DMD: variants seen among roughly 807,000 people sequenced by gnomAD.
DMD encodes mutant dystrophin.
DMD carries 63 observed loss-of-function variants against 330.1 expected under a neutral mutation model. The ratio of observed to expected loss-of-function variants is 0.19; its 90% CI spans 0.16 to 0.24. The LOEUF (loss-of-function observed/expected upper bound fraction) is 0.24. Ranked by LOEUF, DMD falls within the 10% of genes least tolerant of loss-of-function variation. The pLI is 1.00. For missense variants in DMD, 3,344 were observed against 2,684.1 expected (o/e 1.25, Z -5.43); for synonymous variants, 1,223 against 959.8 (o/e 1.27, Z -5.07).
intron 44 of DMD, among the ~76,000 whole-genome samples, chrX:31,987,789 G>A (rs1164964145): frequency 1.8e-5 from 2 of 111,570 alleles, no homozygotes; most frequent in Non-Finnish European, 3.8e-5. Context: ...GAGGTTCCTC[G>A]AAAACTTAAA....
intron 43 of DMD, among the ~76,000 whole-genome samples, chrX:32,232,650 T>C (rs1338376525): frequency 1.8e-5 from 2 of 112,274 alleles, no homozygotes; most frequent in Non-Finnish European, 3.8e-5. Context: ...TCTATCTTAT[T>C]AAAACACAGG....
intron 55 of DMD, among the ~76,000 whole-genome samples, chrX:31,522,340 T>TCC (rs2072854445): frequency 1.5e-5 from 1 of 65,218 alleles, no homozygotes; most frequent in Admixed American, 2.0e-4. Context: ...TCTCTCTCTC[T>TCC]CTCTCTCTCT....
chrX:33,000,174 T>TAAAC (rs2093243996), intron 2 of DMD, among the ~76,000 whole-genome samples: 1 of 112,028 alleles, frequency 8.9e-6, no homozygotes, highest in Non-Finnish European at 1.9e-5. Flanking sequence ...GTTTTTATAC[T>TAAAC]AAACATACTT....
Position 33,084,548 on chromosome X carries a change from G to A in DMD, c.32-64348C>T, listed in dbSNP as rs148297269. ...CAGGGAGTTGGAGCTGTCTTCTTGC[G>A]CTGAGTCAGTTCCTGGGTGGAGGCC... is the stretch of plus-strand genomic sequence containing the variant. On this transcript the variant is annotated intron_variant, in intron 1 of 78. Transcript: ENST00000357033. Among the ~76,000 whole-genome samples the A allele has an allele frequency of 7.9e-3, 874 of 111,333 alleles. 6 individuals are homozygous for A. The highest frequency in any genetic ancestry group is 0.027 in the African/African-American group (836 of 30,632).
In DMD at chrX:32,233,289, C is replaced by T. The variant is rs768030760; in HGVS notation, c.6291-16226G>A. Among the ~76,000 whole-genome samples, 17 of 111,164 alleles carry T rather than the reference C, an allele frequency of 1.5e-4. No homozygotes were observed. The East Asian group carries it at 4.6e-3, about 30-fold the overall frequency. On this transcript the variant is annotated intron_variant, in intron 43 of 78. Coordinates refer to ENST00000357033, the MANE Select transcript of DMD (RefSeq NM_004006.3). ...AAATGCCAGCATTTGGATTTCATTA[C>T]CTATGGAATCTTTCTGGTTGCAGAG...
chrX:32,983,558 CACACACACACACACACAT>C (rs751538580), intron 2 of DMD, among the ~76,000 whole-genome samples: 5,324 of 94,734 alleles, frequency 0.056, 376 homozygotes, highest in African/African-American at 0.24. Flanking sequence ...CACACACACA[CACACACACACACACACAT>C]ATAGGAACAC....
At chrX:31,911,796 T>A (rs2094550879) in intron 47 of DMD, among the ~76,000 whole-genome samples, 1 of 111,108 alleles carries the variant, frequency 9.0e-6, no homozygotes, top group Admixed American at 9.6e-5. Context: ...TTGAGACCAA[T>A]CATCGAAGCT....
chrX:32,406,722 G>A (rs917780423), intron 30 of DMD, among the ~76,000 whole-genome samples: 3 of 110,361 alleles, frequency 2.7e-5, no homozygotes, highest in African/African-American at 9.9e-5. Context: ...CTCTTTTTCT[G>A]TATATTACAA....
intron 52 of DMD, among the ~76,000 whole-genome samples, chrX:31,693,148 C>A (rs2083230157): frequency 8.9e-6 from 1 of 111,886 alleles, no homozygotes; most frequent in South Asian, 3.7e-4. Context: ...TGTGATTCAA[C>A]ATATAACAGA....
chrX:32,058,654 T>C (rs2096199846), intron 44 of DMD, among the ~76,000 whole-genome samples: 1 of 106,396 alleles, frequency 9.4e-6, no homozygotes. Context: ...GGTGGAAATA[T>C]AAAATTGTGC....
intron 42 of DMD, among the ~76,000 whole-genome samples, chrX:32,297,170 A>G (rs1448483156): frequency 2.7e-5 from 3 of 111,475 alleles, no homozygotes; most frequent in Non-Finnish European, 3.8e-5. Context: ...TGACAGCTAC[A>G]TCGCTGTATT....
At chrX:31,247,147 G>A (rs1462673226) in intron 63 of DMD, among the ~76,000 whole-genome samples, 2 of 111,722 alleles carry the variant, frequency 1.8e-5, no homozygotes, top group African/African-American at 6.5e-5. Flanking sequence ...GATGTACAAA[G>A]AGATTCACGT....
At chrX:32,975,450 G>C (rs1260368457) in intron 2 of DMD, among the ~76,000 whole-genome samples, 1 of 105,078 alleles carries the variant, frequency 9.5e-6, no homozygotes, top group Non-Finnish European at 1.9e-5. Context: ...AAGCTGAGAG[G>C]CTGAAGCAGT....
At chrX:31,482,011 C>T (rs1181140489) in intron 57 of DMD, among the ~76,000 whole-genome samples, 1 of 110,680 alleles carries the variant, frequency 9.0e-6, no homozygotes, top group African/African-American at 3.3e-5. Context: ...CCTAGTCTCC[C>T]ACTTATGGAG....
chrX:31,691,706 A>C, intron 52 of DMD, among the ~76,000 whole-genome samples: 1 of 112,297 alleles, frequency 8.9e-6, no homozygotes, highest in South Asian at 3.7e-4. Context: ...GAACATCATT[A>C]TATATTGATA....
At chrX:33,055,382 T>C (rs1280136711) in intron 1 of DMD, among the ~76,000 whole-genome samples, 1 of 111,670 alleles carries the variant, frequency 9.0e-6, no homozygotes, top group African/African-American at 3.3e-5. Context: ...GCATAGAAAT[T>C]GTTAAAGAAG....
chrX:32,787,212 AAGTG>A (rs2075427726), intron 7 of DMD, among the ~76,000 whole-genome samples: 1 of 55,592 alleles, frequency 1.8e-5, no homozygotes, highest in African/African-American at 8.2e-5. Context: ...TCTCTCTGTC[AAGTG>A]TGTGTGTGTG....
intron 53 of DMD, among the ~76,000 whole-genome samples, chrX:31,669,581 A>G (rs948843967): frequency 3.6e-5 from 4 of 111,756 alleles, no homozygotes; most frequent in African/African-American, 3.3e-5. Flanking sequence ...TTCTTTTTCC[A>G]TTGAATTCTC....
intron 43 of DMD, among the ~76,000 whole-genome samples, chrX:32,239,900 GATA>G (rs1218838396): frequency 8.0e-5 from 9 of 111,887 alleles, no homozygotes; most frequent in Non-Finnish European, 1.5e-4. Flanking sequence ...CTCACTGTGA[GATA>G]ATAATTTTAT....
Sources: gnomAD v4.1 joint callset for allele counts (sites outside exome capture counted in the v4.1 genomes callset) on GRCh38, gnomAD v4.1.1 for gene constraint, MANE v1.5 for transcripts, NCBI Gene and HGNC (gene_info 2026-07-23, HGNC 2026-07-21) for gene names.